GRID1: variants seen among roughly 807,000 people sequenced by gnomAD.
GRID1 encodes glutamate receptor ionotropic, delta-1.
In GRID1, 28 loss-of-function variants were observed where a neutral mutation model predicts 98.0. The ratio of observed to expected loss-of-function variants is 0.29; its 90% CI spans 0.21 to 0.39. The LOEUF (loss-of-function observed/expected upper bound fraction) is 0.39, where lower values mean the gene tolerates loss of function less well. GRID1 is among the 10% of genes least tolerant of loss of function. The probability of loss-of-function intolerance (pLI) is 1.00; values close to 1 mark genes in which losing one functional copy is unlikely to be tolerated. For synonymous variants in GRID1, 553 were observed against 538.5 expected, an observed-to-expected ratio of 1.03 and a Z score of -0.37; for missense variants, 1,111 against 1,340.5, an observed-to-expected ratio of 0.83 and a Z score of 2.67.
At chr10:86,026,737 T>C (rs1387032856) in intron 4 of GRID1, among the ~76,000 whole-genome samples, 1 of 152,178 alleles carries the variant, frequency 6.6e-6, no homozygotes, top group Non-Finnish European at 1.5e-5. Context: ...AGCCAGCACA[T>C]AGTAAATGCT....
At chr10:86,340,987 C>T (rs1283202173) in intron 2 of GRID1, among the ~76,000 whole-genome samples, 1 of 152,136 alleles carries the variant, frequency 6.6e-6, no homozygotes, top group African/African-American at 2.4e-5. Context: ...TCTGTCCAGT[C>T]CCTACAGCAG....
intron 13 of GRID1, among the ~76,000 whole-genome samples, chr10:85,622,996 G>A (rs1411734584): frequency 1.3e-5 from 2 of 152,120 alleles, no homozygotes; most frequent in Non-Finnish European, 2.9e-5. Context: ...TTATGGACAG[G>A]ACCCTGACAG....
intron 4 of GRID1, among the ~76,000 whole-genome samples, chr10:85,932,419 T>A (rs1314105305): frequency 6.6e-6 from 1 of 152,164 alleles, no homozygotes. Flanking sequence ...TCTCATTATG[T>A]TACCCTGGCT....
At chr10:85,778,704 G>C (rs1041645069) in intron 8 of GRID1, among the ~76,000 whole-genome samples, 2 of 152,218 alleles carry the variant, frequency 1.3e-5, no homozygotes, top group African/African-American at 4.8e-5. Flanking sequence ...AGGTGTTTTA[G>C]AGAAACTTCT....
chr10:86,344,339 C>A (rs1203210255), intron 2 of GRID1, among the ~76,000 whole-genome samples: 3 of 152,240 alleles, frequency 2.0e-5, no homozygotes, highest in Non-Finnish European at 4.4e-5. Context: ...GAGGAACATG[C>A]ACTGACTCGC....
At chr10:86,173,450 C>T (rs1350083714) in intron 3 of GRID1, among the ~76,000 whole-genome samples, 5 of 152,228 alleles carry the variant, frequency 3.3e-5, no homozygotes, top group East Asian at 1.9e-4. Context: ...TGGTCACACA[C>T]ATTTTTTTTT....
At chr10:85,951,142 C>T (rs988045393) in intron 4 of GRID1, among the ~76,000 whole-genome samples, 3 of 152,228 alleles carry the variant, frequency 2.0e-5, no homozygotes, top group African/African-American at 7.2e-5. Flanking sequence ...TCAAGCAAGA[C>T]CAAACCAGGT....
At chr10:86,022,118 C>G (rs1843057814) in intron 4 of GRID1, among the ~76,000 whole-genome samples, 1 of 152,086 alleles carries the variant, frequency 6.6e-6, no homozygotes, top group South Asian at 2.1e-4. Context: ...ACTTTACATT[C>G]ATACAGTCTT....
intron 4 of GRID1, among the ~76,000 whole-genome samples, chr10:86,126,657 C>A (rs1428090800): frequency 2.0e-5 from 3 of 152,184 alleles, no homozygotes; most frequent in Non-Finnish European, 2.9e-5. Context: ...GCCTTATCAG[C>A]CCTGCCACAG....
At chr10:86,031,778 C>A (rs1843188943) in intron 4 of GRID1, among the ~76,000 whole-genome samples, 1 of 152,162 alleles carries the variant, frequency 6.6e-6, no homozygotes, top group Admixed American at 6.5e-5. Context: ...AAGTACATTT[C>A]TTTGTACTTT....
chr10:86,281,866 T>G (rs1847362409), intron 2 of GRID1, among the ~76,000 whole-genome samples: 1 of 152,146 alleles, frequency 6.6e-6, no homozygotes, highest in African/African-American at 2.4e-5. Context: ...AAGGACTCCT[T>G]CCTCCAGCCC....
chr10:86,231,171 T>C (rs1846446483), intron 2 of GRID1, among the ~76,000 whole-genome samples: 1 of 152,200 alleles, frequency 6.6e-6, no homozygotes, highest in Non-Finnish European at 1.5e-5. Flanking sequence ...GCAGGAGACA[T>C]GCATGTCAGA....
At chr10:86,053,896 A>G (rs1299515764) in intron 4 of GRID1, among the ~76,000 whole-genome samples, 1 of 152,224 alleles carries the variant, frequency 6.6e-6, no homozygotes, top group Non-Finnish European at 1.5e-5. Context: ...ACACATGCAC[A>G]CACACGTTTA....
In GRID1 at chr10:85,826,313, C is replaced by T. The variant is rs375031815; in HGVS notation, c.1233+28183G>A. Among the ~76,000 whole-genome samples, 1,323 of 152,226 alleles carry T rather than the reference C, an allele frequency of 8.7e-3. 12 individuals are homozygous for T. Among genetic ancestry groups the T allele is most frequent in the African/African-American group, 0.03 (1,246 of 41,528 alleles). On this transcript the variant is annotated intron_variant, in intron 8 of 15. Coordinates refer to ENST00000327946, the MANE Select transcript of GRID1 (RefSeq NM_017551.3). The stretch of plus-strand genomic sequence containing the variant: ...TCGCGCCACTGCACTCCAGCCTGGG[C>T]GACAGAGCGAGACTCCGTCAAAAAC...
intron 8 of GRID1, among the ~76,000 whole-genome samples, 160 bp from the exon 9 acceptor site, chr10:85,729,774 T>C (rs1263648206): frequency 6.6e-6 from 1 of 152,088 alleles, no homozygotes; most frequent in African/African-American, 2.4e-5. Flanking sequence ...CTAAAGAGAA[T>C]AGATATATGG....
chr10:85,950,192 C>A (rs1356866288), intron 4 of GRID1, among the ~76,000 whole-genome samples: 1 of 152,102 alleles, frequency 6.6e-6, no homozygotes, highest in Non-Finnish European at 1.5e-5. Flanking sequence ...GGTTTACATT[C>A]AACTAAAGTA....
chr10:85,851,188 A>G (rs1300315967), intron 8 of GRID1, among the ~76,000 whole-genome samples: 1 of 152,142 alleles, frequency 6.6e-6, no homozygotes, highest in South Asian at 2.1e-4. Context: ...CATGACACCA[A>G]CAGGATAAAA....
intron 12 of GRID1, among the ~76,000 whole-genome samples, chr10:85,676,037 T>G (rs1009907729): frequency 6.6e-6 from 1 of 152,166 alleles, no homozygotes; most frequent in Admixed American, 6.5e-5. Flanking sequence ...AAAAAGGCTG[T>G]GCAATGCCAC....
At chr10:85,832,103 T>C (rs1366550866) in intron 8 of GRID1, among the ~76,000 whole-genome samples, 2 of 152,078 alleles carry the variant, frequency 1.3e-5, no homozygotes, top group Non-Finnish European at 2.9e-5. Flanking sequence ...TGGAAATACT[T>C]ATTGAAAATC....
Sources: allele counts gnomAD v4.1 joint callset (sites outside exome capture counted in the v4.1 genomes callset), GRCh38; gene constraint gnomAD v4.1.1; transcripts MANE v1.5; gene names NCBI Gene and HGNC (gene_info 2026-07-23, HGNC 2026-07-21).